UNC13C: variants seen among roughly 807,000 people sequenced by gnomAD.
UNC13C encodes unc-13 homolog C.
In UNC13C, 174 loss-of-function variants were observed where a neutral mutation model predicts 245.4. The observed-to-expected ratio is 0.71, with a 90% CI of 0.63 to 0.80. UNC13C has a LOEUF of 0.80. Among genes scored for constraint, UNC13C ranks in the 30% least tolerant of loss-of-function variants. The probability of loss-of-function intolerance (pLI) is 0.00; values close to 1 mark genes in which losing one functional copy is unlikely to be tolerated. For synonymous variants in UNC13C, 992 were observed against 895.1 expected (o/e 1.11, Z -1.93); for missense variants, 2,829 against 2,602.9 (o/e 1.09, Z -1.89).
At chr15:53,993,034 C>T (rs75061279) in intron 1 of UNC13C, among the ~76,000 whole-genome samples, 4,308 of 152,148 alleles carry the variant, frequency 0.028, 213 homozygotes, top group East Asian at 0.21. Flanking sequence ...CCATTTTCTA[C>T]ATAGCATCAG....
chr15:54,496,871 A>G (rs1485452722), intron 20 of UNC13C, among the ~76,000 whole-genome samples: 20 of 152,090 alleles, frequency 1.3e-4, no homozygotes, highest in Non-Finnish European at 2.4e-4. Flanking sequence ...TACAGTAAAC[A>G]CTGCTTAGAT....
the UNC13C span, chr15:53,910,832 T>G: frequency 5.4e-5 from 8 of 146,802 alleles, 1 homozygote; most frequent in Admixed American, 1.4e-4. Context: ...CGAGTGTTCT[T>G]TCTGCTTACC....
intron 4 of UNC13C, among the ~76,000 whole-genome samples, chr15:54,147,814 G>GTGTGTGTGTGTGTGTGTA (rs1262798042): frequency 2.6e-5 from 4 of 151,450 alleles, no homozygotes; most frequent in Non-Finnish European, 5.9e-5. Context: ...GTGTGTGTAT[G>GTGTGTGTGTGTGTGTGTA]TGTGTGTCTA....
chr15:53,927,736 G>A, the UNC13C span, among the ~76,000 whole-genome samples: 2 of 152,148 alleles, frequency 1.3e-5, no homozygotes, highest in Non-Finnish European at 2.9e-5. Flanking sequence ...ATTGCCCAGG[G>A]AAGTTTTAGA....
chr15:54,320,552 C>A (rs866796600), intron 13 of UNC13C, among the ~76,000 whole-genome samples: 1 of 151,932 alleles, frequency 6.6e-6, no homozygotes, highest in African/African-American at 2.4e-5. Context: ...CAAATATAAT[C>A]CTTGAGATTT....
intron 30 of UNC13C, among the ~76,000 whole-genome samples, chr15:54,572,706 G>GT (rs1228613051): frequency 2.0e-5 from 3 of 152,098 alleles, no homozygotes; most frequent in Admixed American, 6.5e-5. Flanking sequence ...GATTACAGGT[G>GT]TGAGCTACCG....
intron 24 of UNC13C, among the ~76,000 whole-genome samples, chr15:54,516,563 G>A (rs1894984456): frequency 6.6e-6 from 1 of 152,106 alleles, no homozygotes; most frequent in Non-Finnish European, 1.5e-5. Context: ...AGCACTTTGG[G>A]AGGCCAAAGT....
At chr15:54,412,623 G>A (rs1288559297) in intron 18 of UNC13C, among the ~76,000 whole-genome samples, 3 of 152,098 alleles carry the variant, frequency 2.0e-5, no homozygotes, top group Non-Finnish European at 4.4e-5. Context: ...CAAAATACAT[G>A]ATTTTATATT....
downstream of UNC13C, chr15:54,632,820 T>A (rs1230352374): frequency 6.6e-6 from 1 of 152,204 alleles, no homozygotes; most frequent in Non-Finnish European, 1.5e-5. Context: ...GTTCTCCATG[T>A]TCTTCTCTTC....
intron 19 of UNC13C, 61 bp from the exon 20 acceptor site, chr15:54,494,547 G>T: frequency 1.4e-6 from 2 of 1,408,698 alleles, no homozygotes; most frequent in South Asian, 1.6e-5. Flanking sequence ...AAATAGATTG[G>T]AACATAGCAG....
rs559425114 is a variant in UNC13C at position 54,307,264 on chromosome 15, C to A, written c.4268+6891C>A. On this transcript the variant is annotated intron_variant, in intron 13 of 32. Transcript: ENST00000260323. ...CATCAGATCTGGTGTCTGACGAGGGCCATTTCCTGGTTCATTTATGGCTGT... is the reference window on the plus strand; with the variant it reads ...CATCAGATCTGGTGTCTGACGAGGGACATTTCCTGGTTCATTTATGGCTGT... 5.3e-5 allele frequency among the ~76,000 whole-genome samples: 8 copies of A among 151,986 alleles called. No homozygotes were observed. The South Asian group carries it at 1.7e-3, about 32-fold the overall frequency.
intron 2 of UNC13C, among the ~76,000 whole-genome samples, chr15:54,136,277 A>G (rs2141224345): frequency 6.6e-6 from 1 of 152,148 alleles, no homozygotes; most frequent in Non-Finnish European, 1.5e-5. Flanking sequence ...AGCTGGGGCT[A>G]TAGGCATGTG....
intron 4 of UNC13C, among the ~76,000 whole-genome samples, chr15:54,164,267 A>C (rs967727013): frequency 6.6e-6 from 1 of 152,216 alleles, no homozygotes; most frequent in African/African-American, 2.4e-5. Context: ...AAATAACCTA[A>C]CTTGAATACA....
intron 2 of UNC13C, among the ~76,000 whole-genome samples, chr15:54,124,077 C>T (rs1244959841): frequency 6.6e-6 from 1 of 152,140 alleles, no homozygotes; most frequent in Non-Finnish European, 1.5e-5. Context: ...GGATGTGCCA[C>T]AGTTTGTTTA....
intron 30 of UNC13C, among the ~76,000 whole-genome samples, chr15:54,605,450 T>C (rs1899716813): frequency 6.6e-6 from 1 of 152,220 alleles, no homozygotes; most frequent in Non-Finnish European, 1.5e-5. Context: ...AAAAATACTC[T>C]TTTGTCTTGC....
At chr15:53,880,693 C>T in the UNC13C span, among the ~76,000 whole-genome samples, 1 of 141,614 alleles carries the variant, frequency 7.1e-6, no homozygotes, top group Non-Finnish European at 1.5e-5. Flanking sequence ...GTTGCTTTGT[C>T]ATCTTTTTTT....
chr15:54,454,298 G>A (rs376792188), intron 19 of UNC13C, among the ~76,000 whole-genome samples: 64 of 151,948 alleles, frequency 4.2e-4, no homozygotes, highest in South Asian at 2.3e-3. Flanking sequence ...ACTCCCTGGC[G>A]GGGTGCAGTG....
At chr15:54,023,434 A>AGG (rs1895981857) in intron 2 of UNC13C, among the ~76,000 whole-genome samples, 1 of 152,156 alleles carries the variant, frequency 6.6e-6, no homozygotes, top group Non-Finnish European at 1.5e-5. Context: ...CTCTCTTAAT[A>AGG]AAAGGTGAGT....
chr15:54,116,242 C>A (rs2030236093), intron 2 of UNC13C, among the ~76,000 whole-genome samples: 1 of 152,006 alleles, frequency 6.6e-6, no homozygotes, highest in South Asian at 2.1e-4. Context: ...GAATATTCAT[C>A]ATCTTAATTA....
Sources: allele counts gnomAD v4.1 joint callset (sites outside exome capture counted in the v4.1 genomes callset), GRCh38; gene constraint gnomAD v4.1.1; transcripts MANE v1.5; gene names NCBI Gene and HGNC (gene_info 2026-07-23, HGNC 2026-07-21).